The following MYOF variants were observed in gnomAD, a reference collection of about 807,000 sequenced individuals.
MYOF encodes the protein myoferlin, also known as fer-1-like 3, myoferlin.
In MYOF, 244 loss-of-function variants were observed where a neutral mutation model predicts 284.2. That is an observed-to-expected ratio of 0.86 (90% confidence interval 0.77 to 0.95). MYOF has a LOEUF of 0.95. Among genes scored for constraint, MYOF ranks in the 40% least tolerant of loss-of-function variants. The pLI is 0.00. For missense variants in MYOF, 2,496 were observed against 2,560.6 expected, an observed-to-expected ratio of 0.97 and a Z score of 0.54; for synonymous variants, 904 against 919.7, an observed-to-expected ratio of 0.98 and a Z score of 0.31.
rs758557084 is a variant in MYOF, at chr10:93,349,997, A to T, written c.3922-28T>A. 5.0e-6 allele frequency: 8 copies of T among 1,603,420 alleles called. No homozygotes were observed. The South Asian group carries it at 8.9e-5, about 18-fold the overall frequency. ...ATGAAAACGATTTAAAGAGAGGGGA[A>T]GGTAACTCAGCACTTTAAAAATAAT... On this transcript the variant is annotated intron_variant, in intron 35 of 53. Transcript: ENST00000359263.
intron 53 of MYOF, among the ~76,000 whole-genome samples, chr10:93,308,021 T>G (rs1010124685): frequency 7.4e-5 from 11 of 149,042 alleles, no homozygotes; most frequent in Admixed American, 3.3e-4. Flanking sequence ...GGCAGGCAGA[T>G]CACATGAGGT....
intron 25 of MYOF, among the ~76,000 whole-genome samples, chr10:93,369,110 C>CTT (rs66923086): frequency 0.023 from 1,825 of 78,268 alleles, 319 homozygotes; most frequent in African/African-American, 0.097. Context: ...ATTCAGACAG[C>CTT]TTTTTTTTTT....
At chr10:93,418,366 G>A (rs1310076871) in intron 5 of MYOF, among the ~76,000 whole-genome samples, 1 of 152,182 alleles carries the variant, frequency 6.6e-6, no homozygotes, top group Non-Finnish European at 1.5e-5. Context: ...TTTCTAAAAT[G>A]TTAAAAGTTT....
intron 25 of MYOF, among the ~76,000 whole-genome samples, chr10:93,368,357 A>G (rs1845422523): frequency 6.6e-6 from 1 of 152,196 alleles, no homozygotes; most frequent in Non-Finnish European, 1.5e-5. Flanking sequence ...TGGAATCACC[A>G]CTGCTGCTAA....
rs1846034909 is a variant in MYOF at position 93,379,929 on chromosome 10, T to C, written c.1935A>G (p.Ser645=). 7 of 1,614,102 alleles carry C rather than the reference T, an allele frequency of 4.3e-6. No individual in the cohort carries two copies. The highest frequency in any genetic ancestry group is 5.9e-6 in the Non-Finnish European group (7 of 1,179,986). The change falls in exon 21 of 54, where the codon TCA becomes TCG. Residue 645 remains serine, a synonymous_variant. Coordinates refer to ENST00000359263, the MANE Select transcript of MYOF (RefSeq NM_013451.4). ...AHTKPVVTLT[S]YWEDISHRLD... ...GGCGATGACTAATATCCTCCCAGTA[T>C]GAAGTCAGGGTAACAACTGGCTTGG...
At chr10:93,465,739 T>G (rs542415333) in intron 1 of MYOF, among the ~76,000 whole-genome samples, 84 of 152,210 alleles carry the variant, frequency 5.5e-4, no homozygotes, top group African/African-American at 1.9e-3. Flanking sequence ...GGTCTCGAAC[T>G]CCTGACGTCA....
At chr10:93,336,167 C>T (rs530840829) in intron 40 of MYOF, 121 bp from the exon 41 acceptor site, 253 of 1,133,720 alleles carry the variant, frequency 2.2e-4, no homozygotes, top group Non-Finnish European at 2.5e-4. Flanking sequence ...ACTCCCAAAT[C>T]GCTGGCGGGA....
At chr10:93,318,171 G>T (rs765433243) in intron 49 of MYOF, among the ~76,000 whole-genome samples, 9 of 152,128 alleles carry the variant, frequency 5.9e-5, no homozygotes, top group Non-Finnish European at 1.2e-4. Flanking sequence ...AGTCCCCTTT[G>T]TCACTTTGGG....
At chr10:93,315,506 T>A (rs1842578323) in intron 50 of MYOF, among the ~76,000 whole-genome samples, 1 of 151,962 alleles carries the variant, frequency 6.6e-6, no homozygotes, top group Admixed American at 6.6e-5. Flanking sequence ...AGCTGCTAAA[T>A]AAGTTCCTGA....
At position 93,438,617 on chromosome 10, in the gene MYOF, C is replaced by G. The variant is rs192276432; in HGVS notation, c.237-7101G>C. Among the ~76,000 whole-genome samples the G allele has an allele frequency of 2.6e-5, 4 of 152,004 alleles. No homozygotes were observed. The East Asian group carries it at 5.8e-4, about 22-fold the overall frequency. On this transcript the variant is annotated intron_variant, in intron 3 of 53. Transcript: ENST00000359263. ...GGTAATTCTTAATACCCAGGAAGTC[C>G]GAGAAACAATGGTCTAGACAGTGAC...
At chr10:93,356,488 AT>A (rs1156240730) in intron 30 of MYOF, among the ~76,000 whole-genome samples, 186 bp downstream of exon 30, 1 of 152,116 alleles carries the variant, frequency 6.6e-6, no homozygotes, top group Non-Finnish European at 1.5e-5. Flanking sequence ...TCCTGTGTTA[AT>A]GGTCTATTCG....
intron 35 of MYOF, among the ~76,000 whole-genome samples, chr10:93,350,614 A>C (rs1358743990): frequency 1.3e-5 from 2 of 152,158 alleles, no homozygotes; most frequent in Non-Finnish European, 2.9e-5. Context: ...CATCCAGCCC[A>C]CCTGTAAACT....
intron 5 of MYOF, among the ~76,000 whole-genome samples, chr10:93,418,500 G>A (rs1414611852): frequency 1.3e-5 from 2 of 152,160 alleles, no homozygotes; most frequent in Non-Finnish European, 2.9e-5. Flanking sequence ...CAGAGCAAAG[G>A]TACCATGGAG....
chr10:93,385,876 T>C (rs2134019262), intron 19 of MYOF, among the ~76,000 whole-genome samples: 1 of 152,016 alleles, frequency 6.6e-6, no homozygotes, highest in African/African-American at 2.4e-5. Context: ...ACTAAATTAA[T>C]GAAATAAGCT....
At chr10:93,437,945 T>C (rs1457329721) in intron 3 of MYOF, among the ~76,000 whole-genome samples, 1 of 152,158 alleles carries the variant, frequency 6.6e-6, no homozygotes, top group Non-Finnish European at 1.5e-5. Context: ...TTGGCCAAAC[T>C]TGAGTGGAGC....
At chr10:93,464,302 G>T (rs956595507) in intron 1 of MYOF, among the ~76,000 whole-genome samples, 2 of 152,260 alleles carry the variant, frequency 1.3e-5, no homozygotes, top group Non-Finnish European at 2.9e-5. Flanking sequence ...AGACTTGCTA[G>T]CCCCCACAAC....
At chr10:93,376,564 C>T (rs1845844841) in intron 22 of MYOF, among the ~76,000 whole-genome samples, 1 of 152,148 alleles carries the variant, frequency 6.6e-6, no homozygotes, top group South Asian at 2.1e-4. Flanking sequence ...GGCTTTACCA[C>T]TAGGAGGCAC....
intron 42 of MYOF, 112 bp from the exon 43 acceptor site, chr10:93,333,424 G>T (rs905331896): frequency 2.3e-6 from 2 of 873,470 alleles, no homozygotes; most frequent in African/African-American, 3.4e-5. Flanking sequence ...TGACAAGGTG[G>T]CCGCCATGGC....
At chr10:93,316,286 C>T (rs113917470) in intron 50 of MYOF, among the ~76,000 whole-genome samples, 5,762 of 151,700 alleles carry the variant, frequency 0.038, 342 homozygotes, top group African/African-American at 0.13. Context: ...GTGCATTGAA[C>T]TAGTGCCCTT....
Sources: gnomAD v4.1 joint callset for allele counts (sites outside exome capture counted in the v4.1 genomes callset) on GRCh38, gnomAD v4.1.1 for gene constraint, MANE v1.5 for transcripts, NCBI Gene and HGNC (gene_info 2026-07-23, HGNC 2026-07-21) for gene names.